CCR9: variants seen among roughly 807,000 people sequenced by gnomAD.
CCR9 encodes the protein C-C motif chemokine receptor 9, also known as C-C chemokine receptor type 9.
CCR9 carries 4 observed loss-of-function variants against 8.7 expected under a neutral mutation model. The observed-to-expected ratio is 0.46, with a 90% confidence interval of 0.23 to 1.06. The LOEUF (loss-of-function observed/expected upper bound fraction) is 1.06, where lower values mean the gene tolerates loss of function less well. Ranked by LOEUF, CCR9 falls within the 50% of genes least tolerant of loss-of-function variation. The pLI, the probability that CCR9 is intolerant of heterozygous loss-of-function variation, is 0.21. For synonymous variants in CCR9, 159 were observed against 168.8 expected, an observed-to-expected ratio of 0.94 and a Z score of 0.45; for missense variants, 394 against 453.6, an observed-to-expected ratio of 0.87 and a Z score of 1.19.
chr3:45,902,007 G>A lies in CCR9; in HGVS notation c.*109G>A. 1.1e-6 allele frequency: 1 copy of A among 923,976 alleles called. No homozygotes were observed. Among genetic ancestry groups the A allele is most frequent in the Non-Finnish European group, 1.6e-6 (1 of 616,524 alleles). The allele number at this position is 923,976 out of a possible 1,614,324, so 57.2% of individuals were successfully genotyped here. On this transcript the variant is annotated 3_prime_UTR_variant, in exon 3 of 3. Transcript: ENST00000357632. The stretch of plus-strand genomic sequence containing the variant: ...TGAAAGAGAAAAGAAAACTCAGAAA[G>A]GGATGAATCTGAACTATATGATTAC...
At chr3:45,886,466 G>A (rs1413708383), upstream of CCR9, 1 of 152,174 alleles carries the variant, frequency 6.6e-6, no homozygotes, top group East Asian at 1.9e-4. Flanking sequence ...ACCCTCTTGG[G>A]CTACCCCACC....
At chr3:45,899,817 G>C (rs1258613134) in intron 2 of CCR9, among the ~76,000 whole-genome samples, 1 of 152,158 alleles carries the variant, frequency 6.6e-6, no homozygotes, top group African/African-American at 2.4e-5. Flanking sequence ...TGACTCAAGG[G>C]CTTACATCTC....
rs369612767 is a variant in CCR9 at position 45,901,630 on chromosome 3, C to T, written c.842C>T (p.Ala281Val). The change falls in exon 3 of 3, where the codon GCC becomes GTC. Residue 281 changes from alanine to valine, a missense_variant. By Grantham distance (64) the Ala-to-Val change is moderately conservative. Coordinates refer to ENST00000357632, the MANE Select transcript of CCR9 (RefSeq NM_031200.3). The surrounding 1 kb of genome is among the most constrained non-coding windows in gnomAD (Gnocchi z 4.3). ...ATTTTGTTGGTGCAGACCATTGACG[C>T]CTATGCCATGTTCATCTCCAACTGT... ...NCILLVQTID[A>V]YAMFISNCAV... is the part of the protein sequence containing the mutation. The T allele has an allele frequency of 1.2e-6, 2 of 1,614,238 alleles. No individual in the cohort carries two copies. Among genetic ancestry groups the T allele is most frequent in the Non-Finnish European group, 1.7e-6 (2 of 1,180,026 alleles).
At chr3:45,896,290 C>G (rs3774642) in intron 2 of CCR9, among the ~76,000 whole-genome samples, 10,501 of 152,274 alleles carry the variant, frequency 0.069, 402 homozygotes, top group Middle Eastern at 0.099. Context: ...TAATAGCCAA[C>G]TCTGCAAAGC....
intron 2 of CCR9, among the ~76,000 whole-genome samples, chr3:45,897,884 G>C (rs1702408802): frequency 6.7e-6 from 1 of 149,966 alleles, no homozygotes; most frequent in Admixed American, 6.7e-5. Flanking sequence ...CAGGCAGCAA[G>C]ACCCCTGGGC....
upstream of CCR9, chr3:45,886,438 C>A (rs1701983088): frequency 6.6e-6 from 1 of 152,254 alleles, no homozygotes; most frequent in African/African-American, 2.4e-5. Flanking sequence ...TTGCTGGAAG[C>A]TACACAGGTG....
rs117433974 is a variant in CCR9, at chr3:45,897,853, G to A, written c.21+2899G>A. 3.4e-4 allele frequency among the ~76,000 whole-genome samples: 51 copies of A among 152,088 alleles called. 1 individual carries two copies. In the East Asian group the frequency reaches 9.1e-3, roughly 27 times the overall value. ...GCTGCAGCAGGAGGAGAGCAGGCTTGCTGGACCGGAGAAGCAACTCCAGGC... is the reference window on the plus strand; with the variant it reads ...GCTGCAGCAGGAGGAGAGCAGGCTTACTGGACCGGAGAAGCAACTCCAGGC... On this transcript the variant is annotated intron_variant, in intron 2 of 2. Coordinates refer to ENST00000357632, the MANE Select transcript of CCR9 (RefSeq NM_031200.3).
At position 45,893,511 on chromosome 3, in the gene CCR9, G is replaced by C. The variant is rs968004064; in HGVS notation, c.-28-1395G>C. Among the ~76,000 whole-genome samples the C allele has an allele frequency of 2.0e-5, 3 of 152,316 alleles. No individual in the cohort carries two copies. In the East Asian group the frequency reaches 5.8e-4, roughly 29 times the overall value. ...ACATCAGTGATTCTGCTTTCCGTCAGTATAGATTAGTTTGCATTATTTAGA... is the reference window on the plus strand; with the variant it reads ...ACATCAGTGATTCTGCTTTCCGTCACTATAGATTAGTTTGCATTATTTAGA... On this transcript the variant is annotated intron_variant, in intron 1 of 2. Transcript: ENST00000357632.
At chr3:45,894,415 G>T (rs1317158791) in intron 1 of CCR9, among the ~76,000 whole-genome samples, 1 of 152,182 alleles carries the variant, frequency 6.6e-6, no homozygotes, top group Non-Finnish European at 1.5e-5. Flanking sequence ...TTCCTGGGGA[G>T]TCCAGAGCCC....
chr3:45,886,340 G>A (rs1026737710), upstream of CCR9, among the ~76,000 whole-genome samples: 2 of 152,176 alleles, frequency 1.3e-5, no homozygotes, highest in Non-Finnish European at 2.9e-5. Flanking sequence ...TCATCAGTCT[G>A]TATGTGCGTC....
chr3:45,898,494 G>A (rs774152000), intron 2 of CCR9, among the ~76,000 whole-genome samples: 9 of 152,202 alleles, frequency 5.9e-5, no homozygotes, highest in Admixed American at 1.3e-4. Flanking sequence ...AGTTCTTTGC[G>A]TTTGTGGGCC....
Position 45,900,992 on chromosome 3 carries a change from T to G in CCR9, c.204T>G (p.Leu68=), listed in dbSNP as rs1272826300. ...TCGTGGGTGCCTTGGGCAACAGTCT[T>G]GTTATCCTTGTCTACTGGTACTGCA... is the stretch of plus-strand genomic sequence containing the variant. ...VFIVGALGNS[L]VILVYWYCTR... Residue 68 remains leucine, a synonymous_variant, in exon 3 of 3, where the codon CTT becomes CTG. Transcript: ENST00000357632. This position sits in a 1 kb window ranked among gnomAD's most constrained non-coding sequence, Gnocchi z 4.7. 3 of 1,614,196 alleles carry G rather than the reference T, an allele frequency of 1.9e-6. No individual in the cohort carries two copies. The highest frequency in any genetic ancestry group is 1.3e-5 in the African/African-American group (1 of 75,058).
At chr3:45,895,216 C>A in intron 2 of CCR9, 1 of 532,100 alleles carries the variant, frequency 1.9e-6, no homozygotes, top group Non-Finnish European at 3.3e-6. Context: ...GATTTTTAAC[C>A]ATCTTTAACT....
intron 1 of CCR9, among the ~76,000 whole-genome samples, chr3:45,888,919 G>T (rs192885710): frequency 3.9e-5 from 6 of 152,320 alleles, no homozygotes; most frequent in Non-Finnish European, 8.8e-5. Context: ...AGAAGCAGAT[G>T]CATATTTTAT....
intron 1 of CCR9, among the ~76,000 whole-genome samples, chr3:45,889,493 T>C (rs1438599276): frequency 1.3e-5 from 2 of 152,068 alleles, no homozygotes; most frequent in Non-Finnish European, 1.5e-5. Context: ...TCTTCTTCTT[T>C]TTTTTTTAAA....
Position 45,901,751 on chromosome 3 carries a change from T to C in CCR9, c.963T>C (p.Gly321=). 6.2e-7 allele frequency: 1 copy of C among 1,614,178 alleles called. No individual in the cohort carries two copies. Among genetic ancestry groups the C allele is most frequent in the Non-Finnish European group, 8.5e-7 (1 of 1,180,028 alleles). Residue 321 remains glycine (G), a synonymous_variant, in exon 3 of 3, where the codon GGT becomes GGC. Transcript: ENST00000357632. This position sits in a 1 kb window ranked among gnomAD's most constrained non-coding sequence, Gnocchi z 4.3. ...ACCCTGTTCTCTATGTTTTTGTGGG[T>C]GAGAGATTCCGCCGGGATCTCGTGA... The part of the protein sequence containing the change: ...CLNPVLYVFV[G]ERFRRDLVKT...
intron 1 of CCR9, among the ~76,000 whole-genome samples, chr3:45,890,308 T>TATATATATAAATATATATAACATAA (rs1559421504): frequency 1.0e-4 from 8 of 77,352 alleles, no homozygotes; most frequent in East Asian, 2.9e-4. Context: ...ATATAACATA[T>TATATATATAAATATATATAACATAA]ATATATATTT....
intron 2 of CCR9, among the ~76,000 whole-genome samples, chr3:45,898,533 G>C (rs986493471): frequency 6.6e-6 from 1 of 152,180 alleles, no homozygotes; most frequent in Non-Finnish European, 1.5e-5. Context: ...CTGAAGAGCC[G>C]CCTCCAGGAT....
intron 2 of CCR9, among the ~76,000 whole-genome samples, chr3:45,899,114 C>A (rs899005120): frequency 6.6e-6 from 1 of 152,178 alleles, no homozygotes; most frequent in African/African-American, 2.4e-5. Context: ...TGCAGTGAGC[C>A]GAGATGGCGC....
Sources: gnomAD v4.1 joint callset for allele counts (sites outside exome capture counted in the v4.1 genomes callset) on GRCh38, gnomAD v4.1.1 for gene constraint, Gnocchi (gnomAD v3.1) non-coding constraint, MANE v1.5 for transcripts, NCBI Gene and HGNC (gene_info 2026-07-23, HGNC 2026-07-21) for gene names.